The following ZFP64 variants were observed in gnomAD, a reference collection of about 807,000 sequenced individuals.
ZFP64 encodes ZFP64 zinc finger protein, also known as zinc finger protein 64.
Under a neutral mutation model 51.6 loss-of-function variants are expected in ZFP64, and 14 were observed. The observed-to-expected ratio is 0.27, with a 90% CI of 0.18 to 0.42. The LOEUF (loss-of-function observed/expected upper bound fraction) is 0.42. Ranked by LOEUF, ZFP64 falls within the 10% of genes least tolerant of loss-of-function variation. The pLI, the probability that ZFP64 is intolerant of heterozygous loss-of-function variation, is 1.00. For missense variants in ZFP64, 754 were observed against 906.8 expected (o/e 0.83, Z 2.16); for synonymous variants, 375 against 361.4 (o/e 1.04, Z -0.43).
intron 5 of ZFP64, chr20:52,110,230 A>G (rs192884435): frequency 3.4e-4 from 91 of 264,924 alleles, no homozygotes; most frequent in African/African-American, 1.7e-3. Context: ...CAGAATTGTA[A>G]GTTAGTACCA....
chr20:52,150,061 C>T (rs577610327), downstream of ZFP64, among the ~76,000 whole-genome samples: 21 of 151,974 alleles, frequency 1.4e-4, no homozygotes, highest in Admixed American at 7.2e-4. Flanking sequence ...AAAAATTAGC[C>T]GGACTTGGTT....
intron 5 of ZFP64, among the ~76,000 whole-genome samples, chr20:52,111,294 G>T (rs1453999275): frequency 6.9e-6 from 1 of 143,938 alleles, no homozygotes; most frequent in Non-Finnish European, 1.5e-5. Flanking sequence ...TCGGCTCATC[G>T]CAACCTCCAG....
chr20:52,095,635 C>T (rs1331612599), intron 7 of ZFP64, among the ~76,000 whole-genome samples: 1 of 152,160 alleles, frequency 6.6e-6, no homozygotes, highest in Non-Finnish European at 1.5e-5. Flanking sequence ...TTTGCTTACA[C>T]TAGGGAGGCG....
Position 52,143,322 on chromosome 20 carries a change from C to A in ZFP64, c.763+16801G>T, listed in dbSNP as rs1172811941. The stretch of plus-strand genomic sequence containing the variant: ...GCCCTATCCCCTTTAAAGCAACCAA[C>A]TAACCATCCCTAAAACTGAAATAAC... On this transcript the variant is annotated intron_variant, in intron 5 of 8. Transcript: ENST00000361387. Among the ~76,000 whole-genome samples the A allele has an allele frequency of 1.4e-5, 2 of 142,318 alleles. 1 individual carries two copies. Among genetic ancestry groups the A allele is most frequent in the Non-Finnish European group, 3.1e-5 (2 of 64,134 alleles). 93.4% of individuals were successfully genotyped at this position (142,318 alleles called of 152,430 possible). A position where few individuals can be genotyped will look rare whatever the true frequency, so the allele number is the denominator to read the frequency against.
chr20:52,084,215 A>G (rs1410803075), exon 9 of ZFP64: 1 of 257,636 alleles, frequency 3.9e-6, no homozygotes, highest in Non-Finnish European at 7.4e-6. Flanking sequence ...AAGTTTAATA[A>G]TTCCATCAGA....
chr20:52,102,027 G>A (rs1187118958), intron 5 of ZFP64, among the ~76,000 whole-genome samples: 3 of 146,470 alleles, frequency 2.0e-5, no homozygotes, highest in Non-Finnish European at 4.5e-5. Context: ...CAGGAGAATC[G>A]CTTGAACCTG....
intron 7 of ZFP64, among the ~76,000 whole-genome samples, chr20:52,096,212 C>T (rs1336627322): frequency 6.6e-6 from 1 of 152,204 alleles, no homozygotes; most frequent in African/African-American, 2.4e-5. Flanking sequence ...CCCTCAGGCC[C>T]CCTTGGTACT....
Position 52,191,454 on chromosome 20 carries a change from CCCGAGACGCGGCT to C in ZFP64, c.46+124_46+136del. 1.7e-6 allele frequency: 2 copies of C among 1,153,364 alleles called. No homozygotes were observed. The highest frequency in any genetic ancestry group is 2.3e-6 in the Non-Finnish European group (2 of 886,364). The allele number at this position is 1,153,364 out of a possible 1,614,324, so 71.4% of individuals were successfully genotyped here. On this transcript the variant is annotated intron_variant, in intron 1 of 5. Transcript: ENST00000216923. This position sits in a 1 kb window ranked among gnomAD's most constrained non-coding sequence, Gnocchi z 4.3. Reference sequence around the variant, plus strand: ...CCTGCACAGCGCGCCCGCCGCGGTCCCCGAGACGCGGCTCCGAGCCGTCACCCCGATTTCGGGG... The same window carrying C: ...CCTGCACAGCGCGCCCGCCGCGGTCCCCGAGCCGTCACCCCGATTTCGGGG...
chr20:52,093,355 G>T (rs1480501054), intron 7 of ZFP64, among the ~76,000 whole-genome samples: 1 of 152,124 alleles, frequency 6.6e-6, no homozygotes, highest in African/African-American at 2.4e-5. Flanking sequence ...GGCCAGGCTG[G>T]TCTTGAACTC....
intron 8 of ZFP64, chr20:52,088,234 C>T: frequency 8.1e-7 from 1 of 1,239,586 alleles, no homozygotes; most frequent in Non-Finnish European, 1.1e-6. Flanking sequence ...GTTGTTCCGG[C>T]AACAGAAAAA....
chr20:52,121,645 CAGGT>C (rs76931275), intron 5 of ZFP64, among the ~76,000 whole-genome samples: 69,469 of 151,606 alleles, frequency 0.46, 16,503 homozygotes, highest in Admixed American at 0.52. Flanking sequence ...GGTGAAGCAG[CAGGT>C]AGGTGCTGAT....
intron 5 of ZFP64, among the ~76,000 whole-genome samples, chr20:52,105,884 T>TCA (rs1284930068): frequency 2.0e-5 from 3 of 152,010 alleles, no homozygotes; most frequent in Non-Finnish European, 4.4e-5. Context: ...ACCACCCCCA[T>TCA]CACACACACA....
chr20:52,162,720 T>C (rs750829828), intron 4 of ZFP64, among the ~76,000 whole-genome samples: 15 of 152,190 alleles, frequency 9.9e-5, no homozygotes, highest in Non-Finnish European at 1.9e-4. Flanking sequence ...GCATTGTCAG[T>C]GGCTCAGTAG....
chr20:52,158,496 A>C (rs905369618), intron 5 of ZFP64, among the ~76,000 whole-genome samples: 22 of 152,162 alleles, frequency 1.4e-4, no homozygotes, highest in Non-Finnish European at 8.8e-5. Context: ...GCCTGAGCTC[A>C]GGAGTTCGAG....
chr20:52,101,855 A>G (rs968086869), intron 5 of ZFP64, among the ~76,000 whole-genome samples: 3 of 150,056 alleles, frequency 2.0e-5, no homozygotes, highest in African/African-American at 7.4e-5. Context: ...GCCGTGGCTC[A>G]TGCCTGTAAT....
intron 5 of ZFP64, among the ~76,000 whole-genome samples, chr20:52,144,597 A>AAAAAAAAAAAAAAAAAAAAAAAAAG (rs1980429601): frequency 1.3e-5 from 2 of 148,568 alleles, no homozygotes; most frequent in Non-Finnish European, 3.0e-5. Flanking sequence ...AAAAAAAAAA[A>AAAAAAAAAAAAAAAAAAAAAAAAAG]AAAAATGCTG....
intron 2 of ZFP64, among the ~76,000 whole-genome samples, chr20:52,172,967 T>C (rs1982877544): frequency 6.6e-6 from 1 of 152,220 alleles, no homozygotes. Flanking sequence ...TATTCAGTTA[T>C]TTGATCATGA....
chr20:52,160,020 T>C lies in ZFP64; in HGVS notation c.763+103A>G. Reference sequence around the variant, plus strand: ...CTGCAAACAACGGGATGAGCAAAGGTTCCAACTCGATTTCTTACATTGTGG... The same window carrying C: ...CTGCAAACAACGGGATGAGCAAAGGCTCCAACTCGATTTCTTACATTGTGG... On this transcript the variant is annotated intron_variant, in intron 5 of 5. Transcript: ENST00000216923. The surrounding 1 kb of genome is among the most constrained non-coding windows in gnomAD (Gnocchi z 4.2). 1.9e-6 allele frequency: 3 copies of C among 1,559,784 alleles called. No individual in the cohort carries two copies. Among genetic ancestry groups the C allele is most frequent in the Non-Finnish European group, 2.6e-6 (3 of 1,152,072 alleles).
Position 52,119,533 on chromosome 20 carries a change from A to ATATAT in ZFP64, c.764-20947_764-20946insATATA, listed in dbSNP as rs1555802531. Among the ~76,000 whole-genome samples, 654 of 89,726 alleles carry ATATAT rather than the reference A, an allele frequency of 7.3e-3. 3 individuals are homozygous for ATATAT. The highest frequency in any genetic ancestry group is 0.023 in the Middle Eastern group (4 of 174). 58.9% of individuals were successfully genotyped at this position (89,726 alleles called of 152,430 possible). On this transcript the variant is annotated intron_variant, in intron 5 of 8. Coordinates refer to the ZFP64 transcript ENST00000361387. ...TGAGACTTCATCTAAAAAAAAAAAAAATATATATATATATATATATACATA... is the reference window on the plus strand; with the variant it reads ...TGAGACTTCATCTAAAAAAAAAAAAATATATATATATATATATATATATATACATA...
Sources: allele counts gnomAD v4.1 joint callset (sites outside exome capture counted in the v4.1 genomes callset), GRCh38; gene constraint gnomAD v4.1.1; non-coding constraint Gnocchi (gnomAD v3.1); transcripts MANE v1.5; gene names NCBI Gene and HGNC (gene_info 2026-07-23, HGNC 2026-07-21).